The following OSBP2 variants were observed in gnomAD, a reference collection of about 807,000 sequenced individuals.
OSBP2 encodes the protein oxysterol binding protein 2, also known as oxysterol-binding protein 2.
A neutral mutation model predicts 96.0 loss-of-function variants in OSBP2; 66 were observed. The ratio of observed to expected loss-of-function variants is 0.69; its 90% confidence interval spans 0.56 to 0.84. The LOEUF (loss-of-function observed/expected upper bound fraction) is 0.84. OSBP2 is among the 40% of genes least tolerant of loss of function. OSBP2 has a pLI of 0.00. For missense variants in OSBP2, 1,038 were observed against 1,222.7 expected, an observed-to-expected ratio of 0.85 and a Z score of 2.25; for synonymous variants, 525 against 520.9, an observed-to-expected ratio of 1.01 and a Z score of -0.11.
chr22:30,764,360 C>A (rs1306021701), intron 2 of OSBP2: 3 of 985,400 alleles, frequency 3.0e-6, no homozygotes, highest in East Asian at 2.3e-4. Flanking sequence ...CAGCCTGCCA[C>A]CCTATTGCTC....
intron 12 of OSBP2, among the ~76,000 whole-genome samples, chr22:30,900,189 G>A (rs1415151570): frequency 6.6e-6 from 1 of 151,986 alleles, no homozygotes; most frequent in Non-Finnish European, 1.5e-5. Context: ...AGGAGGCAAA[G>A]GTTGTGGTGA....
intron 2 of OSBP2, among the ~76,000 whole-genome samples, chr22:30,833,770 G>T (rs1602331488): frequency 6.6e-6 from 1 of 152,176 alleles, no homozygotes. Context: ...CCTCTTGCAG[G>T]TCTGGGACTT....
chr22:30,889,188 A>G lies in OSBP2; in HGVS notation c.1430A>G (p.Glu477Gly). The part of the protein sequence containing the change: ...TEAKEDSRKA[E>G]GSTGTSSVDW... The stretch of plus-strand genomic sequence containing the variant: ...CTTTGTATTTCCAGCAGAAAAGCTG[A>G]AGGTAGCACCGGGACAAGTTCCGTG... Residue 477 changes from glutamate to glycine, a missense_variant, in exon 6 of 14, where the codon GAA becomes GGA. Glu to Gly is a moderately conservative substitution (Grantham distance 98). Transcript: ENST00000332585. 3 of 1,613,510 alleles carry G rather than the reference A, an allele frequency of 1.9e-6. No homozygotes were observed. The highest frequency in any genetic ancestry group is 2.5e-6 in the Non-Finnish European group (3 of 1,179,836).
chr22:30,865,078 GA>G (rs767103021), intron 2 of OSBP2, among the ~76,000 whole-genome samples: 1 of 152,138 alleles, frequency 6.6e-6, no homozygotes, highest in African/African-American at 2.4e-5. Context: ...CCAAAGATGA[GA>G]AAAAAGCTCC....
At chr22:30,898,481 C>T (rs115002894) in intron 12 of OSBP2, among the ~76,000 whole-genome samples, 3 of 152,184 alleles carry the variant, frequency 2.0e-5, no homozygotes, top group Non-Finnish European at 4.4e-5. Flanking sequence ...GTTTAATTAA[C>T]TCACAGTTCT....
At chr22:30,822,798 A>C in intron 2 of OSBP2, 1 of 1,170,922 alleles carries the variant, frequency 8.5e-7, no homozygotes, top group Non-Finnish European at 1.2e-6. Context: ...TGATCGATCC[A>C]CGGGAGCCTC....
At chr22:30,718,379 AG>A (rs1246656397) in intron 1 of OSBP2, among the ~76,000 whole-genome samples, 18 of 152,212 alleles carry the variant, frequency 1.2e-4, no homozygotes, top group Non-Finnish European at 1.2e-4. Flanking sequence ...ATAGAGTGAG[AG>A]GACTAGGCTA....
At chr22:30,753,221 A>T (rs1569109327) in intron 2 of OSBP2, among the ~76,000 whole-genome samples, 1 of 152,060 alleles carries the variant, frequency 6.6e-6, no homozygotes, top group Non-Finnish European at 1.5e-5. Context: ...GTAAGGTAGG[A>T]GGCCCTCAGT....
At chr22:30,748,030 C>A (rs947494718) in intron 2 of OSBP2, among the ~76,000 whole-genome samples, 2 of 151,766 alleles carry the variant, frequency 1.3e-5, no homozygotes, top group Non-Finnish European at 2.9e-5. Flanking sequence ...GCACCCACCA[C>A]CACACCCAGC....
intron 1 of OSBP2, among the ~76,000 whole-genome samples, chr22:30,731,859 T>C (rs1602187003): frequency 6.6e-6 from 1 of 152,160 alleles, no homozygotes; most frequent in Non-Finnish European, 1.5e-5. Flanking sequence ...GGTGTGCTCA[T>C]TGTTACTCAT....
intron 1 of OSBP2, among the ~76,000 whole-genome samples, chr22:30,708,303 A>G (rs1435458845): frequency 1.3e-5 from 2 of 152,172 alleles, no homozygotes; most frequent in Admixed American, 6.6e-5. Context: ...AACAACATAT[A>G]TAAGAGTAGA....
intron 2 of OSBP2, among the ~76,000 whole-genome samples, chr22:30,831,168 G>A (rs572330442): frequency 1.3e-5 from 2 of 152,290 alleles, no homozygotes; most frequent in South Asian, 2.1e-4. Flanking sequence ...TGGCAAGAAC[G>A]TTCTGGTTCA....
intron 2 of OSBP2, among the ~76,000 whole-genome samples, chr22:30,783,065 CTTTTTT>C (rs567123014): frequency 2.1e-4 from 22 of 104,116 alleles, no homozygotes; most frequent in South Asian, 3.7e-4. Flanking sequence ...GAACCTGTGG[CTTTTTT>C]TTTTTTTTTT....
chr22:30,783,179 C>G (rs1427524687), intron 2 of OSBP2, among the ~76,000 whole-genome samples: 1 of 147,860 alleles, frequency 6.8e-6, no homozygotes, highest in Non-Finnish European at 1.5e-5. Context: ...ATTGGTATCT[C>G]GGGGAATTTA....
At chr22:30,828,328 G>A (rs2038448379) in intron 2 of OSBP2, among the ~76,000 whole-genome samples, 1 of 152,200 alleles carries the variant, frequency 6.6e-6, no homozygotes, top group Non-Finnish European at 1.5e-5. Flanking sequence ...GGCACATAGT[G>A]TCCACAGCCA....
intron 2 of OSBP2, among the ~76,000 whole-genome samples, chr22:30,804,790 G>A (rs1472301931): frequency 6.6e-6 from 1 of 152,174 alleles, no homozygotes; most frequent in Non-Finnish European, 1.5e-5. Flanking sequence ...CGTCTTTAGA[G>A]AATGGTTGTC....
At chr22:30,777,214 G>T (rs926347018) in intron 2 of OSBP2, among the ~76,000 whole-genome samples, 7 of 152,110 alleles carry the variant, frequency 4.6e-5, no homozygotes, top group African/African-American at 1.7e-4. Context: ...CATGAGATTT[G>T]GGAGGGGCCA....
chr22:30,803,101 GGCA>G (rs1351627464), intron 2 of OSBP2: 58 of 208,500 alleles, frequency 2.8e-4, no homozygotes, highest in South Asian at 8.8e-4. Flanking sequence ...CGGCGGCGGC[GGCA>G]GCAGCAGCAG....
intron 1 of OSBP2, among the ~76,000 whole-genome samples, chr22:30,699,090 T>A (rs1439950507): frequency 6.6e-6 from 1 of 152,058 alleles, no homozygotes; most frequent in Non-Finnish European, 1.5e-5. Context: ...CACAAGCGTG[T>A]GCTACCGTGC....
Sources: gnomAD v4.1 joint callset for allele counts (sites outside exome capture counted in the v4.1 genomes callset) on GRCh38, gnomAD v4.1.1 for gene constraint, MANE v1.5 for transcripts, NCBI Gene and HGNC (gene_info 2026-07-23, HGNC 2026-07-21) for gene names.